Variants in MCM5 observed in about 807,000 individuals in gnomAD.
MCM5 encodes the protein DNA replication licensing factor MCM5.
Under a neutral mutation model 79.9 loss-of-function variants are expected in MCM5, and 46 were observed. The ratio of observed to expected loss-of-function variants is 0.58; its 90% CI spans 0.45 to 0.74. MCM5 has a LOEUF of 0.74. Among genes scored for constraint, MCM5 ranks in the 30% least tolerant of loss-of-function variants. The pLI is 0.00. For synonymous variants in MCM5, 404 were observed against 390.5 expected, an observed-to-expected ratio of 1.03 and a Z score of -0.41; for missense variants, 883 against 1,017.0, an observed-to-expected ratio of 0.87 and a Z score of 1.79.
At chr22:35,405,963 A>T (rs1054981859) in intron 4 of MCM5, among the ~76,000 whole-genome samples, 2 of 151,714 alleles carry the variant, frequency 1.3e-5, no homozygotes, top group African/African-American at 4.8e-5. Flanking sequence ...GTAAGCCGAG[A>T]TCCTGCCATT....
rs751342425 is a variant in MCM5 at position 35,400,458 on chromosome 22, C to T, written c.20C>T (p.Pro7Leu). Residue 7 changes from proline to leucine, a missense_variant, in exon 2 of 17, where the codon CCT (proline) becomes CTT (leucine). This residue lies in a region of MCM5 where 455 missense variants were observed against 517.5 expected (regional missense o/e 0.88). Coordinates refer to ENST00000216122, the MANE Select transcript of MCM5 (RefSeq NM_006739.4). Reference protein sequence around the residue: MSGFDDPGIFYSDSFGG... With the variant: MSGFDDLGIFYSDSFGG... The stretch of plus-strand genomic sequence containing the variant: ...GCAGTCATGTCGGGATTCGACGATC[C>T]TGGCATTTTCTACAGCGACAGCTTC... 2 of 1,614,104 alleles carry T rather than the reference C, an allele frequency of 1.2e-6. No homozygotes were observed. Among genetic ancestry groups the T allele is most frequent in the East Asian group, 4.5e-5 (2 of 44,880 alleles).
At chr22:35,432,134 T>G in the MCM5 span, among the ~76,000 whole-genome samples, 2 of 152,234 alleles carry the variant, frequency 1.3e-5, no homozygotes, top group Non-Finnish European at 2.9e-5. Flanking sequence ...ATACTTTTAG[T>G]TCATTCAGCT....
intron 2 of MCM5, chr22:35,401,719 C>T (rs902655487): frequency 1.3e-5 from 6 of 464,674 alleles, no homozygotes; most frequent in East Asian, 6.9e-5. Flanking sequence ...GATGAAAAGA[C>T]GTGCTTCTTG....
Position 35,421,408 on chromosome 22 carries a change from G to T in MCM5, c.1923G>T (p.Leu641=). The change falls in exon 15 of 17, where the codon CTG becomes CTT. Residue 641 remains leucine, a synonymous_variant. Coordinates refer to ENST00000216122, the MANE Select transcript of MCM5 (RefSeq NM_006739.4). ...FATEADVEEA[L]RLFQVSTLDA... The stretch of plus-strand genomic sequence containing the variant: ...CAGAGGCAGATGTGGAGGAGGCCCT[G>T]CGGCTCTTCCAAGTGTCCACGTTGG... 6.2e-7 allele frequency: 1 copy of T among 1,614,202 alleles called. No homozygotes were observed. The highest frequency in any genetic ancestry group is 8.5e-7 in the Non-Finnish European group (1 of 1,180,054).
the MCM5 span, among the ~76,000 whole-genome samples, chr22:35,442,090 C>A: frequency 6.6e-6 from 1 of 152,058 alleles, no homozygotes; most frequent in African/African-American, 2.4e-5. Flanking sequence ...TCCCGTGGCT[C>A]CCCATTGCCC....
At chr22:35,438,890 T>C in the MCM5 span, among the ~76,000 whole-genome samples, 50 of 142,386 alleles carry the variant, frequency 3.5e-4, no homozygotes, top group African/African-American at 1.3e-3. Context: ...CATCCATCCA[T>C]CTACATATCC....
the MCM5 span, among the ~76,000 whole-genome samples, chr22:35,448,863 C>T: frequency 2.0e-5 from 3 of 152,148 alleles, no homozygotes; most frequent in Non-Finnish European, 4.4e-5. Flanking sequence ...CCATGGACCA[C>T]TGGGCCACCT....
chr22:35,403,652 TCTC>T, intron 4 of MCM5, 110 bp downstream of exon 4: 5 of 1,344,370 alleles, frequency 3.7e-6, no homozygotes, highest in African/African-American at 1.5e-5. Context: ...TCTGAACCTG[TCTC>T]CTCCTGGAGA....
the MCM5 span, among the ~76,000 whole-genome samples, chr22:35,442,897 A>G: frequency 1.3e-5 from 2 of 152,192 alleles, no homozygotes; most frequent in African/African-American, 4.8e-5. Context: ...TGCCATGGAA[A>G]CATTGGAGAT....
the MCM5 span, among the ~76,000 whole-genome samples, chr22:35,434,227 C>T: frequency 4.0e-5 from 6 of 151,894 alleles, no homozygotes; most frequent in African/African-American, 1.5e-4. Flanking sequence ...GGCAGCTTTC[C>T]TGGATGCTCA....
In MCM5 at chr22:35,400,391, G is replaced by A. The variant is rs373183730; in HGVS notation, c.-8-40G>A. 1.2e-5 allele frequency: 20 copies of A among 1,611,152 alleles called. No individual in the cohort carries two copies. The African/African-American group carries it at 2.4e-4, about 19-fold the overall frequency. On this transcript the variant is annotated intron_variant, in intron 1 of 16. Coordinates refer to ENST00000216122, the MANE Select transcript of MCM5 (RefSeq NM_006739.4). ...CGTCGGAGGGGAGGAGGTGCCAGGC[G>A]CTGCCCCCAGCCTGTTCTGGCCGTT...
rs779196625 is a variant in MCM5 at position 35,413,865 on chromosome 22, C to T, written c.1092-10C>T. On this transcript the variant is annotated splice_polypyrimidine_tract_variant and intron_variant, in intron 8 of 16. Coordinates refer to ENST00000216122, the MANE Select transcript of MCM5 (RefSeq NM_006739.4). ...ATTCTCACCTTGTCCATCTACCCTT[C>T]GTCCCCCAGGCTCCCTGATGGACTT... 58 of 1,538,734 alleles carry T rather than the reference C, an allele frequency of 3.8e-5. No individual in the cohort carries two copies. Among genetic ancestry groups the T allele is most frequent in the East Asian group, 1.1e-4 (5 of 44,582 alleles).
At chr22:35,449,225 T>A in the MCM5 span, among the ~76,000 whole-genome samples, 246 of 152,226 alleles carry the variant, frequency 1.6e-3, 1 homozygote, top group Non-Finnish European at 2.7e-3. Context: ...CACTCAGGCC[T>A]AGAACTGAAG....
chr22:35,412,216 C>T (rs967024687), intron 7 of MCM5, among the ~76,000 whole-genome samples: 2 of 152,210 alleles, frequency 1.3e-5, no homozygotes, highest in Non-Finnish European at 1.5e-5. Context: ...TATCACTCCT[C>T]GGCTGAAAGG....
intron 1 of MCM5, 60 bp downstream of exon 1, chr22:35,400,268 G>A (rs909298484): frequency 1.2e-5 from 8 of 690,552 alleles, no homozygotes; most frequent in Non-Finnish European, 1.8e-5. Context: ...ATTTCCGGGT[G>A]TAGTTGGAGT....
chr22:35,406,753 G>A, intron 5 of MCM5, 28 bp downstream of exon 5: 2 of 1,600,608 alleles, frequency 1.2e-6, no homozygotes, highest in Non-Finnish European at 1.7e-6. Flanking sequence ...AGGGACTGTG[G>A]GAGGTGACCT....
At chr22:35,403,924 C>A (rs1298686411) in intron 4 of MCM5, among the ~76,000 whole-genome samples, 1 of 144,232 alleles carries the variant, frequency 6.9e-6, no homozygotes, top group Non-Finnish European at 1.5e-5. Context: ...GAGACCCTGG[C>A]TCTCCAAAAA....
chr22:35,403,390 G>T, intron 3 of MCM5, 24 bp from the exon 4 acceptor site: 1 of 1,614,176 alleles, frequency 6.2e-7, no homozygotes, highest in Non-Finnish European at 8.5e-7. Context: ...GTTACTAATA[G>T]CCTGTGCCCT....
At chr22:35,412,822 C>G (rs1374939281) in intron 8 of MCM5, 141 bp downstream of exon 8, 1 of 698,698 alleles carries the variant, frequency 1.4e-6, no homozygotes, top group Non-Finnish European at 2.0e-6. Flanking sequence ...TTGCCAGCCC[C>G]CAAGCTTGCC....
Sources: allele counts gnomAD v4.1 joint callset (sites outside exome capture counted in the v4.1 genomes callset), GRCh38; gene constraint gnomAD v4.1.1; regional missense constraint gnomAD v4.1.1; transcripts MANE v1.5; gene names NCBI Gene and HGNC (gene_info 2026-07-23, HGNC 2026-07-21).